Variants in ZMIZ1 observed in about 807,000 individuals in gnomAD.
ZMIZ1 encodes the protein zinc finger MIZ-type containing 1, also known as zinc finger MIZ domain-containing protein 1.
Under a neutral mutation model 113.9 loss-of-function variants are expected in ZMIZ1, and 17 were observed. The ratio of observed to expected loss-of-function variants is 0.15; its 90% CI spans 0.10 to 0.22. The LOEUF is 0.22. Among genes scored for constraint, ZMIZ1 ranks in the 10% least tolerant of loss-of-function variants. The pLI, the probability that ZMIZ1 is intolerant of heterozygous loss-of-function variation, is 1.00. For missense variants in ZMIZ1, 1,059 were observed against 1,477.8 expected (o/e 0.72, Z 4.65); for synonymous variants, 607 against 603.1 (o/e 1.01, Z -0.09).
intron 7 of ZMIZ1, among the ~76,000 whole-genome samples, chr10:79,263,955 A>ATTTCT (rs1049083113): frequency 6.6e-6 from 1 of 152,128 alleles, no homozygotes; most frequent in Non-Finnish European, 1.5e-5. Flanking sequence ...CTCCTCAGAA[A>ATTTCT]AGTAAATTAT....
chr10:79,141,201 C>T (rs1845248147), intron 3 of ZMIZ1, among the ~76,000 whole-genome samples: 1 of 152,172 alleles, frequency 6.6e-6, no homozygotes, highest in Admixed American at 6.5e-5. Flanking sequence ...CGGCATTGCT[C>T]ATGCATTCAT....
intron 1 of ZMIZ1, among the ~76,000 whole-genome samples, chr10:79,114,494 C>CGT (rs369818551): frequency 0.38 from 43,644 of 113,944 alleles, 8,472 homozygotes; most frequent in African/African-American, 0.42. Flanking sequence ...TGTGTGTGTG[C>CGT]GTGTGTGTGT....
chr10:79,179,621 T>G (rs1434853357), intron 4 of ZMIZ1, among the ~76,000 whole-genome samples: 1 of 152,244 alleles, frequency 6.6e-6, no homozygotes, highest in East Asian at 1.9e-4. Context: ...TGCTTCAGTC[T>G]GCTGGTCAGG....
chr10:79,206,293 C>A (rs1019112145), intron 5 of ZMIZ1, among the ~76,000 whole-genome samples: 11 of 152,212 alleles, frequency 7.2e-5, no homozygotes, highest in African/African-American at 2.2e-4. Context: ...GCTACCCCTG[C>A]ACCCAGAGCC....
At chr10:79,278,073 C>A (rs1249418719) in intron 8 of ZMIZ1, among the ~76,000 whole-genome samples, 1 of 152,268 alleles carries the variant, frequency 6.6e-6, no homozygotes, top group Non-Finnish European at 1.5e-5. Flanking sequence ...GCCCAGAGCA[C>A]ACTGCAGGCA....
chr10:79,217,454 G>A (rs998014635), intron 7 of ZMIZ1, among the ~76,000 whole-genome samples: 7 of 152,000 alleles, frequency 4.6e-5, no homozygotes, highest in Admixed American at 1.3e-4. Context: ...AATACATAAA[G>A]TACCTAGCAC....
intron 1 of ZMIZ1, among the ~76,000 whole-genome samples, chr10:79,115,609 C>G (rs992638299): frequency 1.1e-4 from 17 of 152,224 alleles, no homozygotes; most frequent in African/African-American, 3.6e-4. Flanking sequence ...ACTGGCTCAT[C>G]AGAGATCGTT....
intron 7 of ZMIZ1, among the ~76,000 whole-genome samples, chr10:79,237,300 G>A (rs1050968442): frequency 2.6e-5 from 4 of 152,206 alleles, no homozygotes; most frequent in Non-Finnish European, 4.4e-5. Context: ...TTACACCAAC[G>A]GGGCCAGAGC....
intron 6 of ZMIZ1, among the ~76,000 whole-genome samples, chr10:79,215,046 T>TA (rs55763629): frequency 0.2 from 29,980 of 152,068 alleles, 4,173 homozygotes; most frequent in African/African-American, 0.39. Context: ...TTCTGAGATT[T>TA]TAAGGAGATG....
At chr10:79,282,130 A>G (rs1244043517) in intron 8 of ZMIZ1, among the ~76,000 whole-genome samples, 1 of 152,262 alleles carries the variant, frequency 6.6e-6, no homozygotes, top group African/African-American at 2.4e-5. Context: ...TTTCCAGGGA[A>G]ACTGCAACGG....
At chr10:79,258,389 GAAA>G (rs200135577) in intron 7 of ZMIZ1, among the ~76,000 whole-genome samples, 1 of 149,926 alleles carries the variant, frequency 6.7e-6, no homozygotes, top group Non-Finnish European at 1.5e-5. Flanking sequence ...TGTCTTAAAA[GAAA>G]AAAAAAGAAG....
intron 4 of ZMIZ1, among the ~76,000 whole-genome samples, chr10:79,179,098 A>G (rs987706243): frequency 1.3e-5 from 2 of 152,226 alleles, no homozygotes; most frequent in Admixed American, 1.3e-4. Flanking sequence ...CAGGCCAGGA[A>G]CCCAGGATGG....
chr10:79,240,517 C>T (rs996278096), intron 7 of ZMIZ1, among the ~76,000 whole-genome samples: 3 of 152,120 alleles, frequency 2.0e-5, no homozygotes, highest in Non-Finnish European at 4.4e-5. Context: ...CCAGAGAGAG[C>T]CTTGAAATTA....
intron 1 of ZMIZ1, among the ~76,000 whole-genome samples, chr10:79,070,581 C>T (rs1225548521): frequency 6.6e-6 from 1 of 152,096 alleles, no homozygotes; most frequent in Non-Finnish European, 1.5e-5. Flanking sequence ...GGCACTGCCG[C>T]CCAGCCCTAC....
chr10:79,195,659 C>A (rs1222000988), intron 4 of ZMIZ1, among the ~76,000 whole-genome samples: 1 of 152,210 alleles, frequency 6.6e-6, no homozygotes, highest in Non-Finnish European at 1.5e-5. Context: ...CCAAAGGTGG[C>A]CGGTGTGCAG....
intron 17 of ZMIZ1, 92 bp downstream of exon 17, chr10:79,301,034 A>G: frequency 6.6e-7 from 1 of 1,525,504 alleles, no homozygotes; most frequent in Non-Finnish European, 8.8e-7. Flanking sequence ...TCTGGTCCTC[A>G]GCCTTGTCCC....
chr10:79,280,676 G>T (rs2131988601), intron 8 of ZMIZ1, among the ~76,000 whole-genome samples: 1 of 150,246 alleles, frequency 6.7e-6, no homozygotes, highest in Middle Eastern at 3.4e-3. Flanking sequence ...GCCCACGCTT[G>T]GTTAATCCCA....
intron 1 of ZMIZ1, among the ~76,000 whole-genome samples, chr10:79,084,960 G>A (rs1288059337): frequency 6.6e-6 from 1 of 152,094 alleles, no homozygotes; most frequent in Admixed American, 6.5e-5. Context: ...CAGGCCCCTG[G>A]GTCTCCTTTC....
chr10:79,180,606 G>C (rs548285340), intron 4 of ZMIZ1, among the ~76,000 whole-genome samples: 8 of 152,186 alleles, frequency 5.3e-5, no homozygotes, highest in Non-Finnish European at 1.0e-4. Flanking sequence ...GAGTCCCCCA[G>C]AGGCGTGGGA....
Sources: gnomAD v4.1 joint callset for allele counts (sites outside exome capture counted in the v4.1 genomes callset) on GRCh38, gnomAD v4.1.1 for gene constraint, MANE v1.5 for transcripts, NCBI Gene and HGNC (gene_info 2026-07-23, HGNC 2026-07-21) for gene names.